PDE1A: variants seen among roughly 807,000 people sequenced by gnomAD.
The protein encoded by PDE1A is phosphodiesterase 1A.
Under a neutral mutation model 61.7 loss-of-function variants are expected in PDE1A, and 35 were observed. The observed-to-expected ratio is 0.57, with a 90% CI of 0.43 to 0.75. PDE1A has a LOEUF of 0.75. Among genes scored for constraint, PDE1A ranks in the 30% least tolerant of loss-of-function variants. PDE1A has a pLI of 0.00. For synonymous variants in PDE1A, 232 were observed against 213.2 expected, an observed-to-expected ratio of 1.09 and a Z score of -0.77; for missense variants, 597 against 630.6, an observed-to-expected ratio of 0.95 and a Z score of 0.57.
chr2:182,520,112 T>C (rs1311625482), intron 2 of PDE1A, among the ~76,000 whole-genome samples: 3 of 151,950 alleles, frequency 2.0e-5, no homozygotes, highest in Non-Finnish European at 2.9e-5. Context: ...TGAATCAATA[T>C]TGCATTTTAA....
the PDE1A span, among the ~76,000 whole-genome samples, chr2:182,698,900 C>T: frequency 1.3e-5 from 2 of 152,182 alleles, no homozygotes; most frequent in African/African-American, 4.8e-5. Context: ...TCTAAATGCA[C>T]TCGTGTGGGA....
the PDE1A span, among the ~76,000 whole-genome samples, chr2:182,687,366 G>A: frequency 1.2e-4 from 19 of 152,258 alleles, no homozygotes; most frequent in African/African-American, 3.6e-4. Context: ...AGCAACATTC[G>A]CTGTTCAGCA....
intron 2 of PDE1A, chr2:182,522,218 T>C (rs1257568184): frequency 7.1e-7 from 1 of 1,418,186 alleles, no homozygotes; most frequent in Non-Finnish European, 1.0e-6. Context: ...CACCAACAAT[T>C]AGTCACGTTA....
the PDE1A span, among the ~76,000 whole-genome samples, chr2:182,605,998 ACTTTGTC>A: frequency 6.6e-6 from 1 of 152,110 alleles, no homozygotes; most frequent in African/African-American, 2.4e-5. Context: ...ATCTCCTGTG[ACTTTGTC>A]AATAGGATAT....
At chr2:182,335,641 G>T (rs547589869) in intron 1 of PDE1A, among the ~76,000 whole-genome samples, 1 of 152,096 alleles carries the variant, frequency 6.6e-6, no homozygotes, top group Non-Finnish European at 1.5e-5. Flanking sequence ...AGACTTAAAC[G>T]TAAGACCTTA....
chr2:182,375,389 T>C (rs992339599), intron 1 of PDE1A, among the ~76,000 whole-genome samples: 2 of 152,174 alleles, frequency 1.3e-5, no homozygotes, highest in African/African-American at 4.8e-5. Flanking sequence ...CTGTTCCAAA[T>C]GGGAGAAATT....
chr2:182,166,683 A>G (rs1417265276), downstream of PDE1A, among the ~76,000 whole-genome samples: 1 of 152,086 alleles, frequency 6.6e-6, no homozygotes, highest in Non-Finnish European at 1.5e-5. Context: ...ATTTCACTTC[A>G]CATGTATTTC....
the PDE1A span, among the ~76,000 whole-genome samples, chr2:182,567,679 AT>A: frequency 6.6e-6 from 1 of 152,068 alleles, no homozygotes; most frequent in Non-Finnish European, 1.5e-5. Context: ...ATTCATTTTG[AT>A]TTTTTTATAT....
intron 2 of PDE1A, among the ~76,000 whole-genome samples, chr2:182,446,088 T>G (rs1685113165): frequency 1.3e-5 from 2 of 152,126 alleles, no homozygotes; most frequent in African/African-American, 2.4e-5. Flanking sequence ...GATGGCATTG[T>G]GTTTTCACCA....
the PDE1A span, among the ~76,000 whole-genome samples, chr2:182,603,474 A>G: frequency 1.3e-5 from 2 of 152,198 alleles, no homozygotes; most frequent in Admixed American, 6.5e-5. Context: ...CAGCCTCTTG[A>G]GTAGCTTGGA....
At chr2:182,596,324 G>C in the PDE1A span, among the ~76,000 whole-genome samples, 1 of 152,146 alleles carries the variant, frequency 6.6e-6, no homozygotes, top group African/African-American at 2.4e-5. Flanking sequence ...GAAGAGCACA[G>C]AGTGATCAAG....
chr2:182,184,874 G>T (rs998686047), intron 13 of PDE1A, among the ~76,000 whole-genome samples: 5 of 152,066 alleles, frequency 3.3e-5, no homozygotes, highest in Non-Finnish European at 1.5e-5. Context: ...CTTCAGGAGT[G>T]TCTTGAGTAT....
intron 1 of PDE1A, among the ~76,000 whole-genome samples, chr2:182,282,840 T>A (rs1693902029): frequency 6.6e-6 from 1 of 152,026 alleles, no homozygotes; most frequent in Non-Finnish European, 1.5e-5. Flanking sequence ...CTATTAAAAC[T>A]TCCTTAATGT....
chr2:182,267,455 A>G (rs1482750676), intron 1 of PDE1A, among the ~76,000 whole-genome samples: 1 of 145,170 alleles, frequency 6.9e-6, no homozygotes, highest in African/African-American at 2.6e-5. Context: ...ACACACACAC[A>G]CACGCCTATA....
the PDE1A span, among the ~76,000 whole-genome samples, chr2:182,638,471 G>A: frequency 6.6e-6 from 1 of 152,162 alleles, no homozygotes; most frequent in Non-Finnish European, 1.5e-5. Flanking sequence ...AGGAGGCAGA[G>A]GTTGCAGTGA....
chr2:182,626,679 C>A, the PDE1A span, among the ~76,000 whole-genome samples: 1 of 89,846 alleles, frequency 1.1e-5, no homozygotes, highest in Non-Finnish European at 2.3e-5. Context: ...TATGTAATTG[C>A]CTTCGAGAAA....
At chr2:182,593,329 T>A in the PDE1A span, among the ~76,000 whole-genome samples, 1 of 152,236 alleles carries the variant, frequency 6.6e-6, no homozygotes, top group Non-Finnish European at 1.5e-5. Flanking sequence ...AATCCAGTTA[T>A]AGTTTCCTTT....
the PDE1A span, among the ~76,000 whole-genome samples, chr2:182,684,517 G>A: frequency 0.013 from 1,938 of 152,236 alleles, 11 homozygotes; most frequent in Middle Eastern, 0.027. Flanking sequence ...CTTTCCTGAA[G>A]AAGAAAATTC....
the PDE1A span, among the ~76,000 whole-genome samples, chr2:182,528,299 C>T: frequency 6.6e-6 from 1 of 152,168 alleles, no homozygotes; most frequent in Non-Finnish European, 1.5e-5. Context: ...GTAAAGGTGA[C>T]TCTTGCTATG....
Sources: allele counts gnomAD v4.1 joint callset (sites outside exome capture counted in the v4.1 genomes callset), GRCh38; gene constraint gnomAD v4.1.1; transcripts MANE v1.5; gene names NCBI Gene and HGNC (gene_info 2026-07-23, HGNC 2026-07-21).